ALOXE3: variants seen among roughly 807,000 people sequenced by gnomAD.
ALOXE3 encodes arachidonate epidermal lipoxygenase 3.
ALOXE3 carries 78 observed loss-of-function variants against 87.5 expected under a neutral mutation model. That is an observed-to-expected ratio of 0.89 (90% CI 0.74 to 1.08). The LOEUF (loss-of-function observed/expected upper bound fraction) is 1.08, where lower values mean the gene tolerates loss of function less well. ALOXE3 is among the 50% of genes least tolerant of loss of function. The pLI is 0.00. For missense variants in ALOXE3, 946 were observed against 912.4 expected, an observed-to-expected ratio of 1.04 and a Z score of -0.47; for synonymous variants, 363 against 370.8, an observed-to-expected ratio of 0.98 and a Z score of 0.24.
chr17:8,101,616 A>T (rs1243033442), intron 15 of ALOXE3, among the ~76,000 whole-genome samples: 8 of 152,110 alleles, frequency 5.3e-5, no homozygotes, highest in Non-Finnish European at 1.2e-4. Context: ...AGGAAGATCA[A>T]ATATGTGGGA....
At chr17:8,106,300 G>T (rs968091494) in intron 13 of ALOXE3, among the ~76,000 whole-genome samples, 15 of 152,186 alleles carry the variant, frequency 9.9e-5, no homozygotes, top group African/African-American at 3.6e-4. Flanking sequence ...GAACAGAGAG[G>T]TTGGGAGGCA....
rs748758937 is a variant in ALOXE3 at position 8,118,325 on chromosome 17, G to A, written c.-313-22C>T. 5.2e-6 allele frequency: 8 copies of A among 1,551,826 alleles called. No homozygotes were observed. The South Asian group carries it at 8.3e-5, about 16-fold the overall frequency. On this transcript the variant is annotated intron_variant, in intron 1 of 15. Transcript: ENST00000448843. ...TCCACTGCGGAGGGAGGGATCAGAT[G>A]CTGAGATGGAGAAAAGGAGGTAACG...
At chr17:8,110,649 C>A in intron 8 of ALOXE3, 121 bp from the exon 9 acceptor site, 1 of 1,417,378 alleles carries the variant, frequency 7.1e-7, no homozygotes, top group Admixed American at 2.1e-5. Flanking sequence ...CTCAGAAATT[C>A]TTGGTGCCTG....
Position 8,112,113 on chromosome 17 carries a change from C to T in ALOXE3, c.764G>A (p.Cys255Tyr), listed in dbSNP as rs2151841663. ...CTCACTTGTCGTGAAGGTCTTATGG[C>T]ACCAGAAGATGTTCTGCATGTCATC... Reference protein sequence around the residue: ...KLDDMQNIFWCHKTFTTKYVT... With the variant: ...KLDDMQNIFWYHKTFTTKYVT... Residue 255 changes from cysteine (C) to tyrosine (Y), a missense_variant, in exon 7 of 16, where the codon TGC (cysteine) becomes TAC (tyrosine). Transcript: ENST00000448843. The T allele has an allele frequency of 6.2e-7, 1 of 1,614,132 alleles. No homozygotes were observed. The highest frequency in any genetic ancestry group is 2.2e-5 in the East Asian group (1 of 44,878).
At position 8,109,898 on chromosome 17, in the gene ALOXE3, C is replaced by T; in HGVS notation, c.1392+18G>A. 6.5e-7 allele frequency: 1 copy of T among 1,547,158 alleles called. No homozygotes were observed. The highest frequency in any genetic ancestry group is 1.2e-5 in the South Asian group (1 of 83,958). ...GTCTTCGGGGGCGGAGATCAGTGACCCGGCAGGGAGGCCGCACCTGGTCCA... is the reference window on the plus strand; with the variant it reads ...GTCTTCGGGGGCGGAGATCAGTGACTCGGCAGGGAGGCCGCACCTGGTCCA... On this transcript the variant is annotated intron_variant, in intron 11 of 15. Coordinates refer to ENST00000448843, the MANE Select transcript of ALOXE3 (RefSeq NM_021628.3).
At chr17:8,109,886 G>A (rs1979877158) in intron 11 of ALOXE3, 30 bp downstream of exon 11, 3 of 1,541,948 alleles carry the variant, frequency 1.9e-6, no homozygotes, top group Middle Eastern at 1.7e-4. Context: ...TTCGGGGGCG[G>A]AGATCAGTGA....
At chr17:8,104,916 A>G (rs1192294426) in intron 13 of ALOXE3, among the ~76,000 whole-genome samples, 5 of 152,148 alleles carry the variant, frequency 3.3e-5, no homozygotes, top group Admixed American at 2.6e-4. Flanking sequence ...ATCCAAGTCC[A>G]TGGCTCTAAC....
intron 13 of ALOXE3, among the ~76,000 whole-genome samples, chr17:8,106,771 G>A (rs1408854620): frequency 1.3e-5 from 2 of 152,140 alleles, no homozygotes; most frequent in African/African-American, 4.8e-5. Flanking sequence ...GTTAACTTGT[G>A]TGTTTTCCCT....
chr17:8,109,406 G>A, intron 11 of ALOXE3, 63 bp from the exon 12 acceptor site: 2 of 1,592,348 alleles, frequency 1.3e-6, no homozygotes, highest in Non-Finnish European at 1.7e-6. Context: ...GTCTGGGCAC[G>A]AGATGGGGCT....
intron 13 of ALOXE3, 122 bp from the exon 14 acceptor site, chr17:8,104,337 G>C (rs1432304584): frequency 2.7e-6 from 2 of 731,286 alleles, no homozygotes; most frequent in South Asian, 3.0e-5. Flanking sequence ...AGCCATGACT[G>C]TCTTGTCGGG....
intron 2 of ALOXE3, among the ~76,000 whole-genome samples, chr17:8,117,575 C>T (rs1980707773): frequency 6.6e-6 from 1 of 152,222 alleles, no homozygotes; most frequent in South Asian, 2.1e-4. Context: ...GGGGAAGCGA[C>T]TTGCCCAAAG....
intron 15 of ALOXE3, among the ~76,000 whole-genome samples, chr17:8,099,670 A>G (rs953017292): frequency 6.6e-6 from 1 of 151,614 alleles, no homozygotes; most frequent in Admixed American, 6.6e-5. Flanking sequence ...CAAAAAAAAA[A>G]AAAAAGTAAA....
At chr17:8,104,997 G>A (rs1979187141) in intron 13 of ALOXE3, among the ~76,000 whole-genome samples, 3 of 152,020 alleles carry the variant, frequency 2.0e-5, no homozygotes, top group Admixed American at 1.3e-4. Flanking sequence ...TCCAGACTCA[G>A]CCGTGGGCAT....
At chr17:8,105,572 G>A (rs1979237094) in intron 13 of ALOXE3, among the ~76,000 whole-genome samples, 1 of 152,054 alleles carries the variant, frequency 6.6e-6, no homozygotes, top group African/African-American at 2.4e-5. Context: ...CTAAACCTCA[G>A]CACCTAGAAC....
intron 13 of ALOXE3, 72 bp downstream of exon 13, chr17:8,108,396 T>C: frequency 6.3e-7 from 1 of 1,585,240 alleles, no homozygotes; most frequent in Non-Finnish European, 8.6e-7. Context: ...AAATAACTGA[T>C]GGGAGTAGGG....
Position 8,115,704 on chromosome 17 carries a change from A to G in ALOXE3, c.353-16T>C. 2 of 1,606,662 alleles carry G rather than the reference A, an allele frequency of 1.2e-6. No individual in the cohort carries two copies. The highest frequency in any genetic ancestry group is 1.1e-5 in the South Asian group (1 of 90,928). On this transcript the variant is annotated splice_polypyrimidine_tract_variant and intron_variant, in intron 3 of 15. Coordinates refer to ENST00000448843, the MANE Select transcript of ALOXE3 (RefSeq NM_021628.3). ...ATAGTTCTTGCTGTGGGGAATGAAA[A>G]TTACTCTTGGTATAAGTCTCTTTTC... is the stretch of plus-strand genomic sequence containing the variant.
intron 15 of ALOXE3, among the ~76,000 whole-genome samples, chr17:8,099,022 CTT>C (rs751705010): frequency 8.7e-5 from 11 of 126,698 alleles, no homozygotes; most frequent in Admixed American, 8.5e-5. Context: ...GGCTAGTTTT[CTT>C]TTTTTTTTTT....
In ALOXE3 at chr17:8,118,164, C is replaced by G. The variant is rs1568007109; in HGVS notation, c.-174G>C. ...TCTCTGGGATGTTCCTGGGCTTTCT[C>G]TCTCCGAAGCTCCCTGCTGGCGGCT... On this transcript the variant is annotated 5_prime_UTR_variant, in exon 2 of 16. Coordinates refer to ENST00000448843, the MANE Select transcript of ALOXE3 (RefSeq NM_021628.3). The G allele has an allele frequency of 4.5e-6, 7 of 1,551,542 alleles. No individual in the cohort carries two copies. Among genetic ancestry groups the G allele is most frequent in the African/African-American group, 1.4e-5 (1 of 73,152 alleles).
chr17:8,098,227 GGTTTTT>G (rs781053027), intron 15 of ALOXE3, among the ~76,000 whole-genome samples: 7,725 of 120,560 alleles, frequency 0.064, 402 homozygotes, highest in Middle Eastern at 0.13. Context: ...ATATACTTTT[GGTTTTT>G]GTTTTTTTTT....
Sources: allele counts gnomAD v4.1 joint callset (sites outside exome capture counted in the v4.1 genomes callset), GRCh38; gene constraint gnomAD v4.1.1; transcripts MANE v1.5; gene names NCBI Gene and HGNC (gene_info 2026-07-23, HGNC 2026-07-21).